SHISA6: variants seen among roughly 807,000 people sequenced by gnomAD.
SHISA6 encodes the protein shisa family member 6.
In SHISA6, 22 loss-of-function variants were observed where a neutral mutation model predicts 47.9. The ratio of observed to expected loss-of-function variants is 0.46; its 90% CI spans 0.33 to 0.66. The LOEUF (loss-of-function observed/expected upper bound fraction) is 0.66, where lower values mean the gene tolerates loss of function less well. Ranked by LOEUF, SHISA6 falls within the 30% of genes least tolerant of loss-of-function variation. The probability of loss-of-function intolerance (pLI) is 0.02; values close to 1 mark genes in which losing one functional copy is unlikely to be tolerated. For synonymous variants in SHISA6, 388 were observed against 337.8 expected, an observed-to-expected ratio of 1.15 and a Z score of -1.63; for missense variants, 680 against 764.6, an observed-to-expected ratio of 0.89 and a Z score of 1.30.
intron 2 of SHISA6, among the ~76,000 whole-genome samples, chr17:11,312,594 G>C (rs1214356413): frequency 2.0e-5 from 3 of 152,146 alleles, no homozygotes; most frequent in African/African-American, 7.2e-5. Context: ...CCTTTAAGAG[G>C]AAGCATCCAA....
chr17:11,525,923 G>A (rs548050308), intron 3 of SHISA6, among the ~76,000 whole-genome samples: 1 of 151,928 alleles, frequency 6.6e-6, no homozygotes, highest in Non-Finnish European at 1.5e-5. Context: ...GTGAGAGGAT[G>A]GCTTGAGGCC....
At chr17:11,312,692 C>A (rs879779287) in intron 2 of SHISA6, among the ~76,000 whole-genome samples, 31 of 152,218 alleles carry the variant, frequency 2.0e-4, no homozygotes, top group African/African-American at 7.0e-4. Context: ...CTCCCAATTT[C>A]TTTATTTATT....
rs1019436447 is a variant in SHISA6, at chr17:11,353,118, A to C, written c.800-26296A>C. Among the ~76,000 whole-genome samples the C allele has an allele frequency of 3.3e-5, 5 of 152,130 alleles. No homozygotes were observed. In the South Asian group the frequency reaches 8.3e-4, roughly 25 times the overall value. On this transcript the variant is annotated intron_variant, in intron 2 of 5. Coordinates refer to ENST00000441885, the MANE Select transcript of SHISA6 (RefSeq NM_207386.4). ...TCTTCCTTCTTTATATGTGGTAGCC[A>C]GGGTCATGCAGAATGTTACAGCTGC... is the stretch of plus-strand genomic sequence containing the variant.
chr17:11,402,827 G>T (rs1053665955), intron 3 of SHISA6, among the ~76,000 whole-genome samples: 1 of 152,216 alleles, frequency 6.6e-6, no homozygotes, highest in African/African-American at 2.4e-5. Flanking sequence ...GCCTCAGCGA[G>T]GGAACCAGCA....
intron 3 of SHISA6, among the ~76,000 whole-genome samples, chr17:11,539,267 A>G (rs1053933564): frequency 9.9e-5 from 15 of 152,170 alleles, no homozygotes; most frequent in Non-Finnish European, 1.9e-4. Context: ...TACTCTCAGG[A>G]TCCCATTGAT....
chr17:11,412,842 C>T (rs533531966), intron 3 of SHISA6, among the ~76,000 whole-genome samples: 1 of 152,280 alleles, frequency 6.6e-6, no homozygotes, highest in African/African-American at 2.4e-5. Context: ...CCTTTACATG[C>T]TGGCAGGCTT....
chr17:11,278,666 C>T lies in SHISA6; in HGVS notation c.799+15140C>T, dbSNP rs924309184. Among the ~76,000 whole-genome samples, 7 of 152,296 alleles carry T rather than the reference C, an allele frequency of 4.6e-5. No individual in the cohort carries two copies. The East Asian group carries it at 1.2e-3, about 25-fold the overall frequency. On this transcript the variant is annotated intron_variant, in intron 2 of 5. Coordinates refer to ENST00000441885, the MANE Select transcript of SHISA6 (RefSeq NM_207386.4). ...GATCAAGACCCCGCTGTGGGTGGGC[C>T]GCCAGCTAGCAGCTGGGCGAAGGCC...
At chr17:11,261,136 G>A (rs962561197) in intron 1 of SHISA6, among the ~76,000 whole-genome samples, 7 of 152,048 alleles carry the variant, frequency 4.6e-5, no homozygotes, top group African/African-American at 1.7e-4. Context: ...AATGGAGGGA[G>A]GGGGAGGGGG....
chr17:11,315,746 A>T (rs1285152338), intron 2 of SHISA6, among the ~76,000 whole-genome samples: 1 of 152,058 alleles, frequency 6.6e-6, no homozygotes, highest in East Asian at 1.9e-4. Flanking sequence ...CTTGGCCTTG[A>T]TGCTTTATTG....
intron 2 of SHISA6, among the ~76,000 whole-genome samples, chr17:11,298,550 C>A (rs1340060485): frequency 6.6e-6 from 1 of 152,184 alleles, no homozygotes; most frequent in African/African-American, 2.4e-5. Flanking sequence ...GCTGGGCCAG[C>A]AGGCAACAGG....
intron 3 of SHISA6, among the ~76,000 whole-genome samples, chr17:11,398,374 C>T (rs994273540): frequency 6.6e-6 from 1 of 151,990 alleles, no homozygotes; most frequent in African/African-American, 2.4e-5. Context: ...GGTCCTCTTT[C>T]GTCTTACAGG....
At chr17:11,287,052 A>C (rs901477755) in intron 2 of SHISA6, among the ~76,000 whole-genome samples, 1 of 152,182 alleles carries the variant, frequency 6.6e-6, no homozygotes, top group Non-Finnish European at 1.5e-5. Flanking sequence ...AATTTTTATT[A>C]CTCAATTAAA....
intron 2 of SHISA6, among the ~76,000 whole-genome samples, chr17:11,343,928 G>A (rs11870127): frequency 0.21 from 32,262 of 152,052 alleles, 3,821 homozygotes; most frequent in African/African-American, 0.3. Flanking sequence ...ACTTCAAGTG[G>A]TCCACCCATC....
intron 4 of SHISA6, 28 bp downstream of exon 4, chr17:11,551,980 T>A (rs1298482360): frequency 1.3e-6 from 2 of 1,549,812 alleles, no homozygotes; most frequent in Non-Finnish European, 8.7e-7. Context: ...GCACTCTGCA[T>A]TTCCTCCTTA....
chr17:11,481,374 A>G (rs1003192189), intron 3 of SHISA6, among the ~76,000 whole-genome samples: 132 of 149,590 alleles, frequency 8.8e-4, no homozygotes, highest in Middle Eastern at 3.5e-3. Flanking sequence ...GTGTATATAT[A>G]TATATATATA....
chr17:11,545,644 A>G (rs1032439852), intron 3 of SHISA6, among the ~76,000 whole-genome samples: 6 of 152,236 alleles, frequency 3.9e-5, no homozygotes, highest in African/African-American at 1.4e-4. Flanking sequence ...GCTTGCTTAT[A>G]TGTCTGTGAC....
At chr17:11,515,353 G>GA (rs1398008124) in intron 3 of SHISA6, among the ~76,000 whole-genome samples, 2 of 144,606 alleles carry the variant, frequency 1.4e-5, no homozygotes, top group Non-Finnish European at 3.1e-5. Flanking sequence ...AGGAAGGAAG[G>GA]AAGGAAGGAA....
At chr17:11,347,257 A>G (rs1911732172) in intron 2 of SHISA6, among the ~76,000 whole-genome samples, 1 of 152,142 alleles carries the variant, frequency 6.6e-6, no homozygotes, top group Non-Finnish European at 1.5e-5. Context: ...TGACAAGAGG[A>G]AAAGAAACAA....
At chr17:11,462,970 T>G (rs16944787) in intron 3 of SHISA6, among the ~76,000 whole-genome samples, 28,298 of 152,138 alleles carry the variant, frequency 0.19, 2,789 homozygotes, top group Middle Eastern at 0.3. Context: ...AAATGCAAAT[T>G]TTGTCTTTGG....
Sources: allele counts gnomAD v4.1 joint callset (sites outside exome capture counted in the v4.1 genomes callset), GRCh38; gene constraint gnomAD v4.1.1; transcripts MANE v1.5; gene names NCBI Gene and HGNC (gene_info 2026-07-23, HGNC 2026-07-21).